Variants in AMD1 observed in about 807,000 individuals in gnomAD.
The protein encoded by AMD1 is S-adenosylmethionine decarboxylase proenzyme.
Under a neutral mutation model 40.2 loss-of-function variants are expected in AMD1, and 11 were observed. That is an observed-to-expected ratio of 0.27 (90% confidence interval 0.17 to 0.45). The LOEUF is 0.45. Ranked by LOEUF, AMD1 falls within the 20% of genes least tolerant of loss-of-function variation. The probability of loss-of-function intolerance (pLI) is 1.00; values close to 1 mark genes in which losing one functional copy is unlikely to be tolerated. For synonymous variants in AMD1, 121 were observed against 130.8 expected (o/e 0.93, Z 0.51); for missense variants, 257 against 410.2 (o/e 0.63, Z 3.23).
chr6:110,874,905 C>CT lies in AMD1; in HGVS notation c.-198dup. 1.8e-6 allele frequency: 1 copy of CT among 561,114 alleles called. No individual in the cohort carries two copies. Among genetic ancestry groups the CT allele is most frequent in the Non-Finnish European group, 3.2e-6 (1 of 316,294 alleles). 34.8% of individuals were successfully genotyped at this position (561,114 alleles called of 1,614,324 possible). A position where few individuals can be genotyped will look rare whatever the true frequency, so the allele number is the denominator to read the frequency against. ...CTATTTCCAAAAGACTCACGTTCAA[C>CT]TTTCGCTCACACAAAGCCGGGAAAA... On this transcript the variant is annotated 5_prime_UTR_variant, in exon 1 of 9. Transcript: ENST00000368885.
the AMD1 span, among the ~76,000 whole-genome samples, chr6:110,819,109 C>A: frequency 6.6e-6 from 1 of 152,002 alleles, no homozygotes; most frequent in Non-Finnish European, 1.5e-5. Flanking sequence ...TGTAATCCCA[C>A]CACTTTGGGA....
chr6:110,878,668 G>T (rs1266837719), intron 1 of AMD1, among the ~76,000 whole-genome samples: 1 of 152,150 alleles, frequency 6.6e-6, no homozygotes, highest in Non-Finnish European at 1.5e-5. Flanking sequence ...GGATCAAAGT[G>T]CTGTAACAAA....
the AMD1 span, among the ~76,000 whole-genome samples, chr6:110,847,524 C>CAA: frequency 1.3e-4 from 18 of 139,000 alleles, no homozygotes; most frequent in East Asian, 1.3e-3. Context: ...GACTCCGTCT[C>CAA]AAAAAAAAAA....
intron 3 of AMD1, chr6:110,889,699 C>T (rs1785901318): frequency 6.6e-6 from 1 of 152,446 alleles, no homozygotes; most frequent in Admixed American, 6.5e-5. Flanking sequence ...CCACCCACCT[C>T]AGTCTCCTAA....
Position 110,893,764 on chromosome 6 carries a change from T to C in AMD1, c.*148T>C. On this transcript the variant is annotated 3_prime_UTR_variant, in exon 9 of 9. Coordinates refer to ENST00000368885, the MANE Select transcript of AMD1 (RefSeq NM_001634.6). ...TAGATGTAATGATAGTGTAATCATT[T>C]TGAATTGTATGCATTATTATATCAA... The C allele has an allele frequency of 2.4e-6, 2 of 820,906 alleles. No homozygotes were observed. The highest frequency in any genetic ancestry group is 3.7e-6 in the Non-Finnish European group (2 of 540,610). 50.9% of individuals were successfully genotyped at this position (820,906 alleles called of 1,614,324 possible).
At chr6:110,854,369 AC>A in the AMD1 span, among the ~76,000 whole-genome samples, 1 of 152,198 alleles carries the variant, frequency 6.6e-6, no homozygotes, top group Non-Finnish European at 1.5e-5. Flanking sequence ...GTTACAACTA[AC>A]TTTTATGTAG....
the AMD1 span, among the ~76,000 whole-genome samples, chr6:110,848,008 C>T: frequency 1.3e-5 from 2 of 151,814 alleles, no homozygotes; most frequent in South Asian, 2.1e-4. Flanking sequence ...GCCACCGCAC[C>T]CGGCCAGCAA....
chr6:110,821,661 A>C, the AMD1 span, among the ~76,000 whole-genome samples: 1 of 152,180 alleles, frequency 6.6e-6, no homozygotes, highest in Admixed American at 6.5e-5. Flanking sequence ...TAAAAGAAAA[A>C]TGTAATGCTT....
the AMD1 span, among the ~76,000 whole-genome samples, chr6:110,836,324 G>T: frequency 1.4e-4 from 21 of 152,078 alleles, no homozygotes; most frequent in Non-Finnish European, 2.5e-4. Flanking sequence ...ATAAAAAATA[G>T]AAATAAATAA....
intron 1 of AMD1, among the ~76,000 whole-genome samples, chr6:110,884,459 G>T (rs1785577805): frequency 6.6e-6 from 1 of 152,068 alleles, no homozygotes; most frequent in South Asian, 2.1e-4. Flanking sequence ...TTTAAGAGAG[G>T]GTCTTGCTCT....
chr6:110,852,241 A>T, the AMD1 span, among the ~76,000 whole-genome samples: 5 of 43,064 alleles, frequency 1.2e-4, no homozygotes, highest in South Asian at 6.1e-4. Context: ...TTTTTTTTTG[A>T]GAAGGAGTCT....
the AMD1 span, among the ~76,000 whole-genome samples, chr6:110,857,107 G>T: frequency 0.31 from 47,423 of 151,804 alleles, 8,180 homozygotes; most frequent in East Asian, 0.67. Flanking sequence ...GAGGTTGCGG[G>T]GAGCACAGAT....
At chr6:110,882,727 T>C (rs1419286831) in intron 1 of AMD1, among the ~76,000 whole-genome samples, 1 of 152,230 alleles carries the variant, frequency 6.6e-6, no homozygotes, top group African/African-American at 2.4e-5. Flanking sequence ...TTGCTTTCTT[T>C]TGATACTATG....
the AMD1 span, among the ~76,000 whole-genome samples, chr6:110,836,287 A>G: frequency 1.3e-5 from 2 of 152,138 alleles, no homozygotes; most frequent in Admixed American, 1.3e-4. Flanking sequence ...AAATTTATGT[A>G]TGATGTTGGC....
intron 1 of AMD1, among the ~76,000 whole-genome samples, chr6:110,884,129 A>G (rs1255195674): frequency 6.6e-6 from 1 of 152,248 alleles, no homozygotes. Flanking sequence ...GGTGGCAAAT[A>G]AGTGGGGCAG....
chr6:110,878,361 G>C (rs370342713), intron 1 of AMD1, among the ~76,000 whole-genome samples: 22 of 152,276 alleles, frequency 1.4e-4, no homozygotes, highest in African/African-American at 4.6e-4. Context: ...AATCTTTTCT[G>C]AATGTACACC....
chr6:110,827,015 C>G, the AMD1 span, among the ~76,000 whole-genome samples: 37 of 152,126 alleles, frequency 2.4e-4, no homozygotes, highest in African/African-American at 8.4e-4. Flanking sequence ...TCTCATTCCA[C>G]AGACACTAGT....
chr6:110,873,898 G>A (rs1043472797), upstream of AMD1, among the ~76,000 whole-genome samples: 10 of 152,178 alleles, frequency 6.6e-5, no homozygotes, highest in Admixed American at 2.6e-4. Context: ...TAATACATCA[G>A]CTTGATAAAA....
the AMD1 span, among the ~76,000 whole-genome samples, chr6:110,843,238 G>A: frequency 4.6e-5 from 7 of 151,918 alleles, no homozygotes; most frequent in Non-Finnish European, 7.4e-5. Flanking sequence ...CTGGGCGGGC[G>A]GATCCCCTGA....
Sources: allele counts gnomAD v4.1 joint callset (sites outside exome capture counted in the v4.1 genomes callset), GRCh38; gene constraint gnomAD v4.1.1; transcripts MANE v1.5; gene names NCBI Gene and HGNC (gene_info 2026-07-23, HGNC 2026-07-21).